Variants in KMT2C observed in about 807,000 individuals in gnomAD.
The protein encoded by KMT2C is lysine methyltransferase 2C.
In KMT2C, 88 loss-of-function variants were observed where a neutral mutation model predicts 507.9. The observed-to-expected ratio is 0.17, with a 90% confidence interval of 0.15 to 0.21. The LOEUF (loss-of-function observed/expected upper bound fraction) is 0.21. Among genes scored for constraint, KMT2C ranks in the 10% least tolerant of loss-of-function variants. The pLI, the probability that KMT2C is intolerant of heterozygous loss-of-function variation, is 1.00. For missense variants in KMT2C, 4,954 were observed against 5,957.8 expected, an observed-to-expected ratio of 0.83 and a Z score of 5.55; for synonymous variants, 2,049 against 2,080.8, an observed-to-expected ratio of 0.98 and a Z score of 0.42.
chr7:152,421,298 G>T (rs1191194717), intron 1 of KMT2C, among the ~76,000 whole-genome samples: 1 of 152,196 alleles, frequency 6.6e-6, no homozygotes, highest in East Asian at 1.9e-4. Flanking sequence ...CTGCTAGTGG[G>T]AATGTTAATT....
rs376423005 is a variant in KMT2C, at chr7:152,182,958, T to C, written c.5265+16A>G. The C allele has an allele frequency of 1.3e-6, 2 of 1,539,076 alleles. No homozygotes were observed. Among genetic ancestry groups the C allele is most frequent in the African/African-American group, 2.8e-5 (2 of 71,176 alleles). ...AAATGCAACTTCAAAAAGTAGATTA[T>C]CCAAAAATTCCATACCTGTCTAAAT... On this transcript the variant is annotated intron_variant, in intron 35 of 58. Coordinates refer to ENST00000262189, the MANE Select transcript of KMT2C (RefSeq NM_170606.3).
At chr7:152,430,228 C>T (rs1419811288) in intron 1 of KMT2C, among the ~76,000 whole-genome samples, 1 of 150,124 alleles carries the variant, frequency 6.7e-6, no homozygotes, top group East Asian at 1.9e-4. Flanking sequence ...TACTTCGTAA[C>T]TTTTGCCACT....
At chr7:152,424,895 G>A (rs951629097) in intron 1 of KMT2C, among the ~76,000 whole-genome samples, 8 of 152,086 alleles carry the variant, frequency 5.3e-5, no homozygotes, top group African/African-American at 9.7e-5. Context: ...CTTCTTGCAC[G>A]GCAGCAACTC....
chr7:152,250,740 T>C (rs2095550157), intron 12 of KMT2C, 113 bp downstream of exon 12: 2 of 607,234 alleles, frequency 3.3e-6, no homozygotes, highest in Non-Finnish European at 5.9e-6. Context: ...ACTAAAAAAC[T>C]CTTCCTAAGT....
chr7:152,363,028 T>A (rs758419018), intron 1 of KMT2C, among the ~76,000 whole-genome samples: 2 of 152,330 alleles, frequency 1.3e-5, no homozygotes, highest in Admixed American at 1.3e-4. Context: ...GCCATGTGAC[T>A]TTTCTGACTA....
intron 2 of KMT2C, among the ~76,000 whole-genome samples, chr7:152,344,680 T>C (rs1179648586): frequency 6.6e-6 from 1 of 151,492 alleles, no homozygotes; most frequent in Non-Finnish European, 1.5e-5. Flanking sequence ...ATCATACAAA[T>C]TGCTCAATTA....
chr7:152,332,805 G>A (rs1053160889), intron 2 of KMT2C, among the ~76,000 whole-genome samples: 1 of 151,410 alleles, frequency 6.6e-6, no homozygotes, highest in Non-Finnish European at 1.5e-5. Context: ...CCGAGATCAT[G>A]CCATTGCACT....
At chr7:152,430,977 G>A (rs1260496037) in intron 1 of KMT2C, among the ~76,000 whole-genome samples, 4 of 152,132 alleles carry the variant, frequency 2.6e-5, no homozygotes, top group Non-Finnish European at 5.9e-5. Context: ...ACCTGACTGT[G>A]GTCTGGGAAA....
chr7:152,350,739 G>A (rs1193527042), intron 2 of KMT2C, among the ~76,000 whole-genome samples: 1 of 152,126 alleles, frequency 6.6e-6, no homozygotes, highest in Non-Finnish European at 1.5e-5. Flanking sequence ...TATAAACACT[G>A]TACACTTAGG....
At chr7:152,165,195 A>C (rs1209390998) in intron 42 of KMT2C, among the ~76,000 whole-genome samples, 1 of 152,268 alleles carries the variant, frequency 6.6e-6, no homozygotes, top group East Asian at 1.9e-4. Flanking sequence ...TGTGGGATAT[A>C]TAAGGTGGTC....
At chr7:152,304,132 G>A (rs1322818767) in intron 6 of KMT2C, among the ~76,000 whole-genome samples, 1 of 152,106 alleles carries the variant, frequency 6.6e-6, no homozygotes, top group Non-Finnish European at 1.5e-5. Context: ...GAGCTTTATA[G>A]TATCTCATTC....
chr7:152,235,453 T>G (rs1320927402), intron 16 of KMT2C, among the ~76,000 whole-genome samples: 2 of 152,114 alleles, frequency 1.3e-5, no homozygotes, highest in Non-Finnish European at 2.9e-5. Flanking sequence ...ATAAAATATT[T>G]GCTAGTTAGC....
intron 1 of KMT2C, among the ~76,000 whole-genome samples, chr7:152,364,219 A>AT (rs1237944201): frequency 1.3e-5 from 2 of 152,034 alleles, no homozygotes; most frequent in Non-Finnish European, 2.9e-5. Context: ...TATGCCTCAT[A>AT]TGCGCAAGAA....
intron 14 of KMT2C, 129 bp downstream of exon 14, chr7:152,247,773 C>G: frequency 1.3e-6 from 1 of 772,442 alleles, no homozygotes; most frequent in African/African-American, 1.8e-5. Flanking sequence ...AACACATAAT[C>G]AACATTACAC....
At position 152,151,526 on chromosome 7, in the gene KMT2C, T is replaced by C; in HGVS notation, c.12582A>G (p.Arg4194=). ...CTTTACAATGACAACACCACTGTGG[T>C]CTGAGTGCTGCGCTTTCTGCAATAC... is the stretch of plus-strand genomic sequence containing the variant. ...SHGIAESAAL[R]PQWCCHCKVV... The change falls in exon 50 of 59, where the codon AGA becomes AGG. Residue 4194 remains arginine, a synonymous_variant. Transcript: ENST00000262189. 2.5e-6 allele frequency: 4 copies of C among 1,614,076 alleles called. No homozygotes were observed. Among genetic ancestry groups the C allele is most frequent in the Non-Finnish European group, 3.4e-6 (4 of 1,179,934 alleles).
chr7:152,183,219 A>G, intron 34 of KMT2C, 63 bp from the exon 35 acceptor site: 2 of 1,285,020 alleles, frequency 1.6e-6, no homozygotes, highest in Middle Eastern at 1.9e-4. Flanking sequence ...GAATAAAATA[A>G]AACTATCATG....
intron 3 of KMT2C, among the ~76,000 whole-genome samples, chr7:152,322,542 T>C (rs2096781940): frequency 1.3e-5 from 2 of 151,992 alleles, no homozygotes; most frequent in African/African-American, 2.4e-5. Context: ...TTGTCTCACA[T>C]AACACAAAAA....
intron 2 of KMT2C, among the ~76,000 whole-genome samples, chr7:152,344,500 C>G (rs897758639): frequency 6.6e-6 from 1 of 152,070 alleles, no homozygotes; most frequent in South Asian, 2.1e-4. Context: ...CCACGGTTAA[C>G]TGGAGGTAAC....
At chr7:152,214,997 ATTTG>A (rs1294613547) in intron 23 of KMT2C, among the ~76,000 whole-genome samples, 4 of 152,078 alleles carry the variant, frequency 2.6e-5, no homozygotes, top group African/African-American at 4.8e-5. Flanking sequence ...GGATACAGAC[ATTTG>A]TTTGACCATA....
Sources: gnomAD v4.1 joint callset for allele counts (sites outside exome capture counted in the v4.1 genomes callset) on GRCh38, gnomAD v4.1.1 for gene constraint, MANE v1.5 for transcripts, NCBI Gene and HGNC (gene_info 2026-07-23, HGNC 2026-07-21) for gene names.